Variants in UNC13A observed in about 807,000 individuals in gnomAD.
UNC13A encodes protein unc-13 homolog A.
A neutral mutation model predicts 219.7 loss-of-function variants in UNC13A; 61 were observed. That is an observed-to-expected ratio of 0.28 (90% CI 0.23 to 0.34). UNC13A has a LOEUF of 0.34. Among genes scored for constraint, UNC13A ranks in the 10% least tolerant of loss-of-function variants. The pLI, the probability that UNC13A is intolerant of heterozygous loss-of-function variation, is 1.00. For missense variants in UNC13A, 1,476 were observed against 2,270.3 expected, an observed-to-expected ratio of 0.65 and a Z score of 7.11; for synonymous variants, 920 against 884.6, an observed-to-expected ratio of 1.04 and a Z score of -0.71.
chr19:17,650,454 A>G (rs1474512295), intron 12 of UNC13A, among the ~76,000 whole-genome samples: 1 of 152,158 alleles, frequency 6.6e-6, no homozygotes, highest in Non-Finnish European at 1.5e-5. Context: ...CAGAGGTTGC[A>G]GTGAGTCGAG....
chr19:17,683,041 G>A (rs181081803), intron 1 of UNC13A, among the ~76,000 whole-genome samples: 249 of 152,218 alleles, frequency 1.6e-3, no homozygotes, highest in South Asian at 3.7e-3. Flanking sequence ...CTCCAGCTTG[G>A]GCAACAGAGC....
chr19:17,628,629 T>C (rs983072425), intron 31 of UNC13A, among the ~76,000 whole-genome samples: 2 of 152,086 alleles, frequency 1.3e-5, no homozygotes, highest in African/African-American at 4.8e-5. Flanking sequence ...CACACCTAGA[T>C]GTGTTGTATA....
At chr19:17,647,833 T>C in intron 16 of UNC13A, among the ~76,000 whole-genome samples, 1 of 70,182 alleles carries the variant, frequency 1.4e-5, no homozygotes, top group African/African-American at 5.7e-5. Flanking sequence ...CCCCTCTGAA[T>C]CTCCGCCCCC....
chr19:17,675,212 T>C (rs955031603), intron 2 of UNC13A, among the ~76,000 whole-genome samples: 3 of 151,984 alleles, frequency 2.0e-5, no homozygotes, highest in African/African-American at 7.2e-5. Flanking sequence ...TGCACGCCTG[T>C]GGTCCCAGCT....
intron 6 of UNC13A, among the ~76,000 whole-genome samples, chr19:17,667,901 G>A (rs758575276): frequency 3.2e-4 from 49 of 151,498 alleles, no homozygotes; most frequent in African/African-American, 1.1e-3. Flanking sequence ...GATTACAGGC[G>A]TGAGCCACTG....
intron 1 of UNC13A, among the ~76,000 whole-genome samples, chr19:17,681,498 G>A (rs1029344445): frequency 6.6e-6 from 1 of 152,154 alleles, no homozygotes; most frequent in Non-Finnish European, 1.5e-5. Context: ...ACTAAATGAG[G>A]ACCCTTATCC....
intron 41 of UNC13A, chr19:17,616,411 T>G (rs538511192): frequency 2.8e-5 from 19 of 689,888 alleles, no homozygotes; most frequent in South Asian, 2.4e-4. Flanking sequence ...CACGTACCCT[T>G]CTCAGGATAA....
In UNC13A at chr19:17,605,876, T is replaced by C. The variant is rs2144897117; in HGVS notation, c.*178A>G. The stretch of plus-strand genomic sequence containing the variant: ...CGTGGCCTCCCGAGAGGGCGGGGCA[T>C]CCTCCATTCCTAATTCCCCAAAAGG... On this transcript the variant is annotated 3_prime_UTR_variant, in exon 44 of 44. Coordinates refer to ENST00000519716, the MANE Select transcript of UNC13A (RefSeq NM_001080421.3). The C allele has an allele frequency of 3.3e-6, 2 of 599,516 alleles. No homozygotes were observed. The highest frequency in any genetic ancestry group is 4.4e-5 in the Admixed American group (1 of 22,794). 37.1% of individuals were successfully genotyped at this position (599,516 alleles called of 1,614,324 possible).
chr19:17,602,633 C>T lies in UNC13A; in HGVS notation c.*3421G>A, dbSNP rs1599813484. On this transcript the variant is annotated 3_prime_UTR_variant, in exon 44 of 44. Transcript: ENST00000519716. Reference sequence around the variant, plus strand: ...GGGCTTTGTTCTGCCAATACAGGAACTTCCTGATTTCAAAAGGCTTTCAGC... The same window carrying T: ...GGGCTTTGTTCTGCCAATACAGGAATTTCCTGATTTCAAAAGGCTTTCAGC... The T allele has an allele frequency of 6.6e-6, 1 of 152,284 alleles. No individual in the cohort carries two copies. Among genetic ancestry groups the T allele is most frequent in the Admixed American group, 6.5e-5 (1 of 15,284 alleles). 9.4% of individuals were successfully genotyped at this position (152,284 alleles called of 1,614,324 possible).
intron 1 of UNC13A, among the ~76,000 whole-genome samples, chr19:17,687,594 C>T (rs1012271742): frequency 2.8e-4 from 43 of 152,064 alleles, no homozygotes; most frequent in African/African-American, 1.0e-3. Context: ...CTCCACACTC[C>T]CCCCACTCCA....
chr19:17,608,443 A>G (rs943238628), intron 43 of UNC13A, among the ~76,000 whole-genome samples: 4 of 138,922 alleles, frequency 2.9e-5, no homozygotes, highest in Non-Finnish European at 6.1e-5. Context: ...TATTTATTAT[A>G]TATTATATAA....
Position 17,688,035 on chromosome 19 carries a change from G to T in UNC13A, c.22+143C>A, listed in dbSNP as rs547197044. On this transcript the variant is annotated intron_variant, in intron 1 of 43. Transcript: ENST00000519716. ...ATCACCCCCTCCGGGGCCCAGCTGCGTCGACAAGGGCTACCCCTCTCAAAA... is the reference window on the plus strand; with the variant it reads ...ATCACCCCCTCCGGGGCCCAGCTGCTTCGACAAGGGCTACCCCTCTCAAAA... 14 of 1,051,548 alleles carry T rather than the reference G, an allele frequency of 1.3e-5. No individual in the cohort carries two copies. The Admixed American group carries it at 4.7e-4, about 36-fold the overall frequency. The allele number at this position is 1,051,548 out of a possible 1,614,324, so 65.1% of individuals were successfully genotyped here.
At chr19:17,642,783 A>G in intron 20 of UNC13A, 62 bp downstream of exon 20, 1 of 1,401,498 alleles carries the variant, frequency 7.1e-7, no homozygotes, top group East Asian at 2.5e-5. Context: ...AAAGAGGAAG[A>G]GCTGGGCAGG....
At position 17,606,119 on chromosome 19, in the gene UNC13A, C is replaced by G. The variant is rs1414870938; in HGVS notation, c.5047G>C (p.Glu1683Gln). Residue 1683 changes from glutamate (E) to glutamine (Q), a missense_variant, in exon 44 of 44, where the codon GAG becomes CAG. Transcript: ENST00000519716. ...GTGTCCGACTTGAGCTTCACGAACT[C>G]CTTGGCCACCTCGTCGTTGCTGCGC... Reference protein sequence around the residue: ...SQRSNDEVAKEFVKLKSDTRS... With the variant: ...SQRSNDEVAKQFVKLKSDTRS... 2.5e-6 allele frequency: 4 copies of G among 1,596,942 alleles called. No individual in the cohort carries two copies. The highest frequency in any genetic ancestry group is 1.1e-5 in the South Asian group (1 of 88,936).
intron 30 of UNC13A, 82 bp from the exon 31 acceptor site, chr19:17,629,405 G>A: frequency 7.8e-7 from 1 of 1,284,862 alleles, no homozygotes; most frequent in South Asian, 1.3e-5. Context: ...CCACTAGTGA[G>A]ATCAGTGATG....
chr19:17,670,583 G>A (rs754991064), intron 4 of UNC13A, among the ~76,000 whole-genome samples: 58 of 151,842 alleles, frequency 3.8e-4, no homozygotes, highest in Non-Finnish European at 1.6e-4. Flanking sequence ...CAACCATTTC[G>A]TCCCTCTGCA....
At chr19:17,620,240 T>C (rs2076713442) in intron 38 of UNC13A, among the ~76,000 whole-genome samples, 1 of 151,856 alleles carries the variant, frequency 6.6e-6, no homozygotes, top group Admixed American at 6.6e-5. Context: ...GGTCTGGGGG[T>C]CCTGGGTGAG....
intron 18 of UNC13A, 39 bp from the exon 19 acceptor site, chr19:17,645,882 G>A (rs776561855): frequency 6.3e-7 from 1 of 1,587,620 alleles, no homozygotes; most frequent in South Asian, 1.1e-5. Context: ...GGGTCAGGCA[G>A]CCAGTGTGAG....
chr19:17,610,265 A>G (rs945946345), intron 42 of UNC13A, among the ~76,000 whole-genome samples, 166 bp from the exon 43 acceptor site: 3 of 152,186 alleles, frequency 2.0e-5, no homozygotes, highest in African/African-American at 7.2e-5. Flanking sequence ...CAGGAGTTTG[A>G]GACCAGCCTG....
Sources: gnomAD v4.1 joint callset for allele counts (sites outside exome capture counted in the v4.1 genomes callset) on GRCh38, gnomAD v4.1.1 for gene constraint, MANE v1.5 for transcripts, NCBI Gene and HGNC (gene_info 2026-07-23, HGNC 2026-07-21) for gene names.